Variants in PGM5 observed in about 807,000 individuals in gnomAD.
The protein encoded by PGM5 is phosphoglucomutase-like protein 5.
Under a neutral mutation model 59.2 loss-of-function variants are expected in PGM5, and 23 were observed. The ratio of observed to expected loss-of-function variants is 0.39; its 90% confidence interval spans 0.28 to 0.55. The LOEUF (loss-of-function observed/expected upper bound fraction) is 0.55. Ranked by LOEUF, PGM5 falls within the 20% of genes least tolerant of loss-of-function variation. PGM5 has a pLI of 0.66. For synonymous variants in PGM5, 214 were observed against 286.0 expected, an observed-to-expected ratio of 0.75 and a Z score of 2.54; for missense variants, 574 against 748.3, an observed-to-expected ratio of 0.77 and a Z score of 2.72.
chr9:68,487,992 G>C (rs143588011), intron 9 of PGM5, among the ~76,000 whole-genome samples: 1 of 152,146 alleles, frequency 6.6e-6, no homozygotes, highest in Non-Finnish European at 1.5e-5. Context: ...TCATATAAGC[G>C]TTTGGGAGAA....
intron 6 of PGM5, among the ~76,000 whole-genome samples, chr9:68,401,271 A>G (rs1365615538): frequency 6.6e-6 from 1 of 151,504 alleles, no homozygotes; most frequent in East Asian, 1.9e-4. Context: ...AGTCAGAAAA[A>G]CACTTAGATG....
chr9:68,423,118 C>T (rs536860321), intron 6 of PGM5, among the ~76,000 whole-genome samples: 2 of 152,266 alleles, frequency 1.3e-5, no homozygotes, highest in East Asian at 1.9e-4. Context: ...TTTATCCACT[C>T]GTTGATTGAT....
At chr9:68,380,665 T>C (rs1822046178) in intron 2 of PGM5, among the ~76,000 whole-genome samples, 1 of 151,652 alleles carries the variant, frequency 6.6e-6, no homozygotes, top group African/African-American at 2.4e-5. Flanking sequence ...AGTTGGTTCT[T>C]TGAAAAAATA....
At chr9:68,391,468 T>A in intron 4 of PGM5, 66 bp from the exon 5 acceptor site, 1 of 1,427,734 alleles carries the variant, frequency 7.0e-7, no homozygotes, top group East Asian at 2.3e-5. Flanking sequence ...CCTGTACTAT[T>A]CAGAACAAAA....
At chr9:68,422,271 G>C (rs1025630937) in intron 6 of PGM5, among the ~76,000 whole-genome samples, 9 of 152,082 alleles carry the variant, frequency 5.9e-5, no homozygotes, top group African/African-American at 2.2e-4. Flanking sequence ...TGGGGGGTTT[G>C]CCTGGGAACT....
At chr9:68,465,466 G>A (rs540485719) in intron 7 of PGM5, among the ~76,000 whole-genome samples, 1 of 151,936 alleles carries the variant, frequency 6.6e-6, no homozygotes, top group Non-Finnish European at 1.5e-5. Flanking sequence ...AGAGAATATC[G>A]CATTGAATCC....
intron 2 of PGM5, among the ~76,000 whole-genome samples, chr9:68,380,354 T>C (rs1822036107): frequency 6.6e-6 from 1 of 151,866 alleles, no homozygotes; most frequent in Non-Finnish European, 1.5e-5. Flanking sequence ...AACTAATGGG[T>C]CAAAGAAGAA....
intron 2 of PGM5, among the ~76,000 whole-genome samples, chr9:68,382,017 G>A (rs1198966580): frequency 6.6e-6 from 1 of 151,726 alleles, no homozygotes; most frequent in Non-Finnish European, 1.5e-5. Flanking sequence ...ATTCTTCATG[G>A]AAATAGAAAA....
chr9:68,382,868 C>T (rs1283856266), intron 2 of PGM5, among the ~76,000 whole-genome samples: 8 of 147,614 alleles, frequency 5.4e-5, no homozygotes, highest in Non-Finnish European at 1.1e-4. Context: ...AATCAGTGTG[C>T]TTTGGCATTA....
chr9:68,372,985 A>G (rs1821780906), intron 1 of PGM5, among the ~76,000 whole-genome samples: 1 of 152,022 alleles, frequency 6.6e-6, no homozygotes, highest in Non-Finnish European at 1.5e-5. Context: ...CACCGCTAAC[A>G]CTGAGGATTA....
chr9:68,406,801 G>T (rs1411811902), intron 6 of PGM5, among the ~76,000 whole-genome samples: 2 of 147,394 alleles, frequency 1.4e-5, no homozygotes, highest in African/African-American at 5.0e-5. Flanking sequence ...TGGCGATGGG[G>T]CTTTATGGAT....
intron 3 of PGM5, among the ~76,000 whole-genome samples, chr9:68,386,723 A>G (rs1405695379): frequency 2.0e-5 from 3 of 152,202 alleles, no homozygotes; most frequent in African/African-American, 7.2e-5. Flanking sequence ...TTGGAAAAGT[A>G]CTTTCTGAGC....
Position 68,471,483 on chromosome 9 carries a change from T to G in PGM5, c.1159+6275T>G, listed in dbSNP as rs571635033. Reference sequence around the variant, plus strand: ...GCCACTGGAGAGATTTTTGATTCAGTGTATGACCTGTCAAGAAACAATTCT... The same window carrying G: ...GCCACTGGAGAGATTTTTGATTCAGGGTATGACCTGTCAAGAAACAATTCT... On this transcript the variant is annotated intron_variant, in intron 7 of 10. Transcript: ENST00000396396. Among the ~76,000 whole-genome samples the G allele has an allele frequency of 2.6e-5, 4 of 151,926 alleles. No individual in the cohort carries two copies. In the East Asian group the frequency reaches 7.8e-4, roughly 29 times the overall value.
chr9:68,519,897 CAATAAATAAATAAATA>C lies in PGM5; in HGVS notation c.1615-9643_1615-9628del, dbSNP rs58819780. Among the ~76,000 whole-genome samples, 15 of 139,860 alleles carry C rather than the reference CAATAAATAAATAAATA, an allele frequency of 1.1e-4. No individual in the cohort carries two copies. The East Asian group carries it at 1.7e-3, about 15-fold the overall frequency. 91.8% of individuals were successfully genotyped at this position (139,860 alleles called of 152,430 possible). ...GCAACATAAGGAGACCTTGTCTTTA[CAATAAATAAATAAATA>C]AATAAATAAATAAATAAATAAATAA... On this transcript the variant is annotated intron_variant, in intron 10 of 10. Transcript: ENST00000396396.
intron 6 of PGM5, among the ~76,000 whole-genome samples, chr9:68,445,180 C>T (rs921010194): frequency 1.3e-5 from 2 of 151,530 alleles, no homozygotes; most frequent in South Asian, 2.1e-4. Context: ...TGTTAGAGTG[C>T]GTAAGAATCT....
intron 6 of PGM5, among the ~76,000 whole-genome samples, chr9:68,450,856 A>T (rs1823685721): frequency 2.0e-5 from 3 of 152,220 alleles, no homozygotes; most frequent in Admixed American, 2.0e-4. Context: ...AATTAACTGC[A>T]TTGGAAATTG....
In PGM5 at chr9:68,357,378, C is replaced by T; in HGVS notation, c.251C>T (p.Ala84Val). ...ATCGAGATCGTGGTGCAGATGGCCG[C>T]GGCCAACGGGGTGAGTGTCCGGATG... ...TAIEIVVQMA[A>V]ANGIGRLIIG... The change falls in exon 1 of 11, where the codon GCG (alanine) becomes GTG (valine). Residue 84 changes from alanine (A) to valine (V), a missense_variant. Physicochemically the swap from Ala to Val is moderately conservative, Grantham distance 64 (BLOSUM62 0). Around this residue, in one of 7 missense-constraint regions of PGM5, gnomAD observed 61 missense variants for 133.3 expected, o/e 0.46. Transcript: ENST00000396396. 1 of 1,558,114 alleles carries T rather than the reference C, an allele frequency of 6.4e-7. No individual in the cohort carries two copies. Among genetic ancestry groups the T allele is most frequent in the Non-Finnish European group, 8.7e-7 (1 of 1,154,366 alleles).
chr9:68,392,431 G>A lies in PGM5; in HGVS notation c.1001G>A (p.Arg334His), dbSNP rs144624433. Residue 334 changes from arginine (R) to histidine (H), a missense_variant, in exon 6 of 11, where the codon CGC becomes CAC. Arg to His is a conservative substitution (Grantham distance 29). Around this residue, in one of 7 missense-constraint regions of PGM5, gnomAD observed 8 missense variants for 75.4 expected, o/e 0.11. Transcript: ENST00000396396. Reference sequence around the variant, plus strand: ...CCATATTTCCGTCAGATGGGGGTCCGCGGGTTTGGGAGGAGTATGCCAACC... The same window carrying A: ...CCATATTTCCGTCAGATGGGGGTCCACGGGTTTGGGAGGAGTATGCCAACC... ...CIPYFRQMGVRGFGRSMPTSM... is the reference protein window; with the variant it reads ...CIPYFRQMGVHGFGRSMPTSM... 1.0e-3 allele frequency: 1,689 copies of A among 1,611,348 alleles called. 2 individuals carry two copies. The African/African-American group carries it at 0.019, about 18-fold the overall frequency.
chr9:68,398,875 G>A (rs529294233), intron 6 of PGM5, among the ~76,000 whole-genome samples: 22 of 152,124 alleles, frequency 1.4e-4, no homozygotes, highest in South Asian at 1.2e-3. Context: ...CATACTCATC[G>A]TTGAACAATC....
Sources: allele counts gnomAD v4.1 joint callset (sites outside exome capture counted in the v4.1 genomes callset), GRCh38; gene constraint gnomAD v4.1.1; regional missense constraint gnomAD v4.1.1; transcripts MANE v1.5; gene names NCBI Gene and HGNC (gene_info 2026-07-23, HGNC 2026-07-21).